ADGRV1: variants seen among roughly 807,000 people sequenced by gnomAD.
ADGRV1 encodes adhesion G protein-coupled receptor V1.
Under a neutral mutation model 596.2 loss-of-function variants are expected in ADGRV1, and 359 were observed. That is an observed-to-expected ratio of 0.60 (90% CI 0.55 to 0.66). The LOEUF is 0.66. ADGRV1 is among the 30% of genes least tolerant of loss of function. The probability of loss-of-function intolerance (pLI) is 0.00; values close to 1 mark genes in which losing one functional copy is unlikely to be tolerated. For missense variants in ADGRV1, 7,274 were observed against 7,575.6 expected (o/e 0.96, Z 1.48); for synonymous variants, 2,681 against 2,679.2 (o/e 1.00, Z -0.02).
chr5:90,985,392 A>T lies in ADGRV1; in HGVS notation c.18022A>T (p.Arg6008Trp). The stretch of plus-strand genomic sequence containing the variant: ...GGTGATGAATGATGAGCACACAGAG[A>T]GGCGATATCTGCTGTTTTTCCTTCT... ...VLVMNDEHTERRYLLFFLLSW... is the reference protein window; with the variant it reads ...VLVMNDEHTEWRYLLFFLLSW... Residue 6008 changes from arginine (R) to tryptophan (W), a missense_variant, in exon 85 of 90, where the codon AGG becomes TGG. Transcript: ENST00000405460. The T allele has an allele frequency of 6.2e-7, 1 of 1,613,652 alleles. No individual in the cohort carries two copies. Among genetic ancestry groups the T allele is most frequent in the Non-Finnish European group, 8.5e-7 (1 of 1,179,690 alleles).
intron 79 of ADGRV1, among the ~76,000 whole-genome samples, chr5:90,851,905 G>A (rs1248783321): frequency 6.6e-6 from 1 of 152,172 alleles, no homozygotes; most frequent in East Asian, 1.9e-4. Context: ...ATGACAAAGG[G>A]TGGGAGGGGA....
chr5:90,655,625 C>T (rs1375063367), intron 20 of ADGRV1: 1 of 152,122 alleles, frequency 6.6e-6, no homozygotes, highest in Non-Finnish European at 1.5e-5. Flanking sequence ...TAATGCCTAT[C>T]CTTTTTCCAA....
At chr5:90,929,818 A>C (rs1775044886) in intron 83 of ADGRV1, among the ~76,000 whole-genome samples, 1 of 152,190 alleles carries the variant, frequency 6.6e-6, no homozygotes, top group African/African-American at 2.4e-5. Context: ...ACTACCTTTA[A>C]GTTGTTGACT....
chr5:90,672,476 T>G, intron 21 of ADGRV1, 70 bp from the exon 22 acceptor site: 6 of 1,252,688 alleles, frequency 4.8e-6, no homozygotes, highest in Non-Finnish European at 6.8e-6. Context: ...AAGGATTTCA[T>G]GGAAGCATTG....
chr5:90,625,478 A>G (rs970944391), intron 6 of ADGRV1: 3 of 335,522 alleles, frequency 8.9e-6, no homozygotes, highest in African/African-American at 4.2e-5. Context: ...AGCATTTTGT[A>G]TACCCTGGTA....
chr5:90,721,576 T>TAAAATAAAATAAAATAAAATAAAAA (rs1554094716), intron 45 of ADGRV1, among the ~76,000 whole-genome samples: 1 of 119,914 alleles, frequency 8.3e-6, no homozygotes, highest in African/African-American at 3.3e-5. Flanking sequence ...TAAAATAAAA[T>TAAAATAAAATAAAATAAAATAAAAA]AAAATAAAAT....
chr5:91,076,210 T>A (rs1004834320), intron 86 of ADGRV1, among the ~76,000 whole-genome samples: 10 of 152,214 alleles, frequency 6.6e-5, no homozygotes, highest in Non-Finnish European at 1.5e-4. Flanking sequence ...CTAGAAACTT[T>A]CAATATTCTC....
At chr5:90,974,000 G>C (rs761786678) in intron 84 of ADGRV1, among the ~76,000 whole-genome samples, 3 of 152,178 alleles carry the variant, frequency 2.0e-5, no homozygotes, top group Non-Finnish European at 2.9e-5. Flanking sequence ...CTTCAGCAAA[G>C]TCTCAGGATA....
chr5:91,053,830 C>G (rs1309266956), intron 85 of ADGRV1, among the ~76,000 whole-genome samples: 1 of 152,182 alleles, frequency 6.6e-6, no homozygotes, highest in African/African-American at 2.4e-5. Context: ...AAACTCTGAT[C>G]TCCAGCTCAG....
chr5:90,921,939 G>A lies in ADGRV1; in HGVS notation c.17857-43476G>A, dbSNP rs7728529. On this transcript the variant is annotated intron_variant, in intron 83 of 89. Transcript: ENST00000405460. ...GTGGGAGAGAGGACAGTGCAAGTCCGGGGTCAAAAACTGACTCATAAGCAG... is the reference window on the plus strand; with the variant it reads ...GTGGGAGAGAGGACAGTGCAAGTCCAGGGTCAAAAACTGACTCATAAGCAG... 9.8e-3 allele frequency among the ~76,000 whole-genome samples: 1,485 copies of A among 151,916 alleles called. 28 individuals carry two copies. The highest frequency in any genetic ancestry group is 0.034 in the African/African-American group (1,428 of 41,440).
chr5:90,788,526 T>A (rs1581127317), intron 68 of ADGRV1, among the ~76,000 whole-genome samples: 1 of 152,214 alleles, frequency 6.6e-6, no homozygotes, highest in Non-Finnish European at 1.5e-5. Context: ...AACATTTTAG[T>A]ATATGATACT....
chr5:90,851,779 T>C (rs535821766), intron 79 of ADGRV1, among the ~76,000 whole-genome samples: 2 of 152,272 alleles, frequency 1.3e-5, no homozygotes, highest in South Asian at 4.1e-4. Flanking sequence ...TATCAGCAAA[T>C]AGAAGGTGTC....
intron 29 of ADGRV1, among the ~76,000 whole-genome samples, chr5:90,687,057 G>A (rs959623179): frequency 6.6e-6 from 1 of 151,772 alleles, no homozygotes; most frequent in African/African-American, 2.4e-5. Context: ...CTTTTTGATG[G>A]GGTTGTTTTT....
chr5:90,788,248 A>C lies in ADGRV1; in HGVS notation c.13831A>C (p.Lys4611Gln). 6.2e-7 allele frequency: 1 copy of C among 1,612,218 alleles called. No individual in the cohort carries two copies. Among genetic ancestry groups the C allele is most frequent in the South Asian group, 1.1e-5 (1 of 91,040 alleles). The change falls in exon 68 of 90, where the codon AAA (lysine) becomes CAA (glutamine). Residue 4611 changes from lysine to glutamine, a missense_variant. Around this residue, in one of 5 missense-constraint regions of ADGRV1, gnomAD observed 3,643 missense variants for 3,809.2 expected, o/e 0.96. Transcript: ENST00000405460. ...TGAAGTTGAAGAGACATTCATTATT[A>C]AACTTCATCTTGTGAAAGGAGAAGC... ...EIEVEETFII[K>Q]LHLVKGEAKL...
chr5:91,045,636 C>A (rs982809200), intron 85 of ADGRV1, among the ~76,000 whole-genome samples: 1 of 152,114 alleles, frequency 6.6e-6, no homozygotes, highest in African/African-American at 2.4e-5. Context: ...CCCACTCTCA[C>A]TACTTTTCTT....
chr5:90,781,699 T>A, intron 65 of ADGRV1, 121 bp downstream of exon 65: 3 of 795,508 alleles, frequency 3.8e-6, no homozygotes, highest in Non-Finnish European at 5.9e-6. Context: ...TGTTTACACA[T>A]ATACACTTTT....
At chr5:90,885,104 G>A (rs1770153086) in intron 83 of ADGRV1, among the ~76,000 whole-genome samples, 1 of 152,130 alleles carries the variant, frequency 6.6e-6, no homozygotes, top group African/African-American at 2.4e-5. Flanking sequence ...TTTTGTGCCT[G>A]ATAACCTTTG....
chr5:90,859,912 T>G (rs1316615940), intron 82 of ADGRV1, among the ~76,000 whole-genome samples: 1 of 148,390 alleles, frequency 6.7e-6, no homozygotes, highest in East Asian at 2.0e-4. Flanking sequence ...AGACCCTGTC[T>G]GTACAAAAAG....
chr5:90,596,671 T>G (rs1734204560), intron 1 of ADGRV1, among the ~76,000 whole-genome samples: 1 of 152,052 alleles, frequency 6.6e-6, no homozygotes, highest in Admixed American at 6.5e-5. Flanking sequence ...GCGCCTGCAA[T>G]TGCAGGCACT....
Sources: gnomAD v4.1 joint callset for allele counts (sites outside exome capture counted in the v4.1 genomes callset) on GRCh38, gnomAD v4.1.1 for gene constraint, gnomAD v4.1.1 regional missense constraint, MANE v1.5 for transcripts, NCBI Gene and HGNC (gene_info 2026-07-23, HGNC 2026-07-21) for gene names.